The following FNIP1 variants were observed in gnomAD, a reference collection of about 807,000 sequenced individuals.
FNIP1 encodes the protein folliculin-interacting protein 1.
Under a neutral mutation model 124.5 loss-of-function variants are expected in FNIP1, and 40 were observed. The ratio of observed to expected loss-of-function variants is 0.32; its 90% CI spans 0.25 to 0.42. FNIP1 has a LOEUF of 0.42. Ranked by LOEUF, FNIP1 falls within the 10% of genes least tolerant of loss-of-function variation. The pLI is 1.00. For missense variants in FNIP1, 1,176 were observed against 1,403.7 expected, an observed-to-expected ratio of 0.84 and a Z score of 2.59; for synonymous variants, 472 against 470.6, an observed-to-expected ratio of 1.00 and a Z score of -0.04.
chr5:131,719,217 G>T, intron 4 of FNIP1, 100 bp downstream of exon 4: 4 of 1,206,146 alleles, frequency 3.3e-6, no homozygotes, highest in Non-Finnish European at 4.7e-6. Flanking sequence ...AATGGAGTAT[G>T]ACAAGCTCAA....
rs1766773632 is a variant in FNIP1, at chr5:131,643,409, TA to T, written c.*1275del. 6.5e-6 allele frequency: 1 copy of T among 152,750 alleles called. No homozygotes were observed. Among genetic ancestry groups the T allele is most frequent in the African/African-American group, 2.4e-5 (1 of 41,434 alleles). The allele number at this position is 152,750 out of a possible 1,614,324, so 9.5% of individuals were successfully genotyped here. On this transcript the variant is annotated 3_prime_UTR_variant, in exon 18 of 18. Transcript: ENST00000510461. ...CAGAAACCAACTTTACTACTAGCAT[TA>T]AAAGTCTCTTAGACCAGATAAGCAA...
chr5:131,732,592 T>C (rs1770135035), intron 2 of FNIP1, among the ~76,000 whole-genome samples: 1 of 152,222 alleles, frequency 6.6e-6, no homozygotes, highest in Non-Finnish European at 1.5e-5. Context: ...AGGGAATCCT[T>C]TCCCCATTGC....
chr5:131,693,333 CATATATATATAT>C (rs70974007), intron 11 of FNIP1, among the ~76,000 whole-genome samples: 11 of 50,154 alleles, frequency 2.2e-4, no homozygotes, highest in Non-Finnish European at 2.8e-4. Context: ...TATATATATA[CATATATATATAT>C]ATATATATAT....
chr5:131,707,625 T>A (rs1452066386), intron 8 of FNIP1, among the ~76,000 whole-genome samples: 1 of 152,174 alleles, frequency 6.6e-6, no homozygotes, highest in Non-Finnish European at 1.5e-5. Context: ...ATTTTATCAA[T>A]TAGTATTATA....
intron 2 of FNIP1, among the ~76,000 whole-genome samples, chr5:131,736,103 A>C (rs935498213): frequency 3.3e-5 from 5 of 152,168 alleles, no homozygotes; most frequent in Admixed American, 1.3e-4. Flanking sequence ...GAAAACAGTT[A>C]ACATGAGGGG....
intron 11 of FNIP1, among the ~76,000 whole-genome samples, chr5:131,685,351 T>TA (rs1350183144): frequency 6.6e-6 from 1 of 151,126 alleles, no homozygotes; most frequent in African/African-American, 2.4e-5. Context: ...CCACAAAAAA[T>TA]AAAAAATTAC....
At chr5:131,721,472 A>T (rs1385549207) in intron 3 of FNIP1, among the ~76,000 whole-genome samples, 1 of 152,168 alleles carries the variant, frequency 6.6e-6, no homozygotes, top group East Asian at 1.9e-4. Context: ...TTAAGAGGGT[A>T]GATCTCATGT....
intron 1 of FNIP1, among the ~76,000 whole-genome samples, chr5:131,787,879 C>T (rs1772269499): frequency 6.6e-6 from 1 of 151,950 alleles, no homozygotes; most frequent in African/African-American, 2.4e-5. Flanking sequence ...GAGAGGCCAA[C>T]GTGGGACCAC....
At chr5:131,716,450 G>A (rs1262132540) in intron 6 of FNIP1, 115 bp downstream of exon 6, 17 of 596,168 alleles carry the variant, frequency 2.9e-5, no homozygotes, top group Non-Finnish European at 4.6e-5. Flanking sequence ...TCCACTTACA[G>A]TATTTGAAAT....
At chr5:131,744,467 T>G in intron 2 of FNIP1, 97 bp downstream of exon 2, 1 of 1,240,314 alleles carries the variant, frequency 8.1e-7, no homozygotes, top group Non-Finnish European at 1.1e-6. Flanking sequence ...TATCCAGTCA[T>G]TTCCTTCTCC....
intron 6 of FNIP1, among the ~76,000 whole-genome samples, chr5:131,711,854 T>C (rs1356186961): frequency 6.6e-6 from 1 of 152,228 alleles, no homozygotes; most frequent in Non-Finnish European, 1.5e-5. Context: ...ACTTCTATAA[T>C]TACAGCACAT....
rs1159813239 is a variant in FNIP1 at position 131,644,116 on chromosome 5, A to G, written c.*569T>C. ...GCTTTTTAAAAAAAAATAGGTACATATGTACACTTGGGTGGATAACATAAC... is the reference window on the plus strand; with the variant it reads ...GCTTTTTAAAAAAAAATAGGTACATGTGTACACTTGGGTGGATAACATAAC... On this transcript the variant is annotated 3_prime_UTR_variant, in exon 18 of 18. Coordinates refer to ENST00000510461, the MANE Select transcript of FNIP1 (RefSeq NM_133372.3). 1 of 152,324 alleles carries G rather than the reference A, an allele frequency of 6.6e-6. No individual in the cohort carries two copies. The highest frequency in any genetic ancestry group is 1.5e-5 in the Non-Finnish European group (1 of 68,032). 9.4% of individuals were successfully genotyped at this position (152,324 alleles called of 1,614,324 possible).
rs746577411 is a variant in FNIP1 at position 131,706,412 on chromosome 5, A to G, written c.913T>C (p.Trp305Arg). 3.1e-6 allele frequency: 5 copies of G among 1,609,498 alleles called. No individual in the cohort carries two copies. The highest frequency in any genetic ancestry group is 1.1e-5 in the South Asian group (1 of 90,488). ...TCTGTGTTTAAAGTTCCAACTTACC[A>G]TCTAGGAAATACCCCATTTTCCAAA... ...TSLENGVFPR[W>R]SIEESFNLSD... The change falls in exon 9 of 18, where the codon TGG (tryptophan) becomes CGG (arginine). Residue 305 changes from tryptophan to arginine, a missense_variant and splice_region_variant. Physicochemically the swap from Trp to Arg is moderately radical, Grantham distance 101. Around this residue, in one of 2 missense-constraint regions of FNIP1, gnomAD observed 1,109 missense variants for 1,288.5 expected, o/e 0.86. Transcript: ENST00000510461.
intron 16 of FNIP1, among the ~76,000 whole-genome samples, chr5:131,647,832 C>T (rs1405156052): frequency 6.6e-6 from 1 of 152,082 alleles, no homozygotes; most frequent in African/African-American, 2.4e-5. Context: ...GAATGTTGTG[C>T]AACCGTCACT....
chr5:131,649,822 C>T (rs775764195), intron 16 of FNIP1, among the ~76,000 whole-genome samples: 1 of 152,132 alleles, frequency 6.6e-6, no homozygotes, highest in Non-Finnish European at 1.5e-5. Flanking sequence ...CTGTACGTGG[C>T]ATAATTCTTT....
chr5:131,772,603 C>T lies in FNIP1; in HGVS notation c.92+24227G>A, dbSNP rs143502275. Reference sequence around the variant, plus strand: ...CCACCATGCCTACTCTTCCCTCCTGCATTCCTTACCTTAATAGCTCTATGT... The same window carrying T: ...CCACCATGCCTACTCTTCCCTCCTGTATTCCTTACCTTAATAGCTCTATGT... On this transcript the variant is annotated intron_variant, in intron 1 of 17. Transcript: ENST00000510461. Among the ~76,000 whole-genome samples, 565 of 152,286 alleles carry T rather than the reference C, an allele frequency of 3.7e-3. 4 individuals are homozygous for T. Among genetic ancestry groups the T allele is most frequent in the African/African-American group, 0.013 (535 of 41,554 alleles).
At chr5:131,713,965 G>A (rs1769385104) in intron 6 of FNIP1, among the ~76,000 whole-genome samples, 1 of 152,220 alleles carries the variant, frequency 6.6e-6, no homozygotes. Context: ...AGATACAAAT[G>A]TAATCTGTGT....
At chr5:131,795,641 A>C (rs1006124421) in intron 1 of FNIP1, 5 of 152,234 alleles carry the variant, frequency 3.3e-5, no homozygotes, top group Admixed American at 6.5e-5. Flanking sequence ...AGGGGAAAAG[A>C]CAGATACGTA....
chr5:131,736,010 T>C (rs1197549994), intron 2 of FNIP1, among the ~76,000 whole-genome samples: 1 of 152,082 alleles, frequency 6.6e-6, no homozygotes, highest in Non-Finnish European at 1.5e-5. Flanking sequence ...AAAGTAATCC[T>C]CCCACCTTGG....
Sources: allele counts gnomAD v4.1 joint callset (sites outside exome capture counted in the v4.1 genomes callset), GRCh38; gene constraint gnomAD v4.1.1; regional missense constraint gnomAD v4.1.1; transcripts MANE v1.5; gene names NCBI Gene and HGNC (gene_info 2026-07-23, HGNC 2026-07-21).